KALRN: variants seen among roughly 807,000 people sequenced by gnomAD.
KALRN encodes kalirin RhoGEF kinase, also known as kalirin.
A neutral mutation model predicts 353.7 loss-of-function variants in KALRN; 70 were observed. That is an observed-to-expected ratio of 0.20 (90% CI 0.16 to 0.24). The LOEUF (loss-of-function observed/expected upper bound fraction) is 0.24. Among genes scored for constraint, KALRN ranks in the 10% least tolerant of loss-of-function variants. The probability of loss-of-function intolerance (pLI) is 1.00; values close to 1 mark genes in which losing one functional copy is unlikely to be tolerated. For missense variants in KALRN, 2,791 were observed against 3,756.7 expected, an observed-to-expected ratio of 0.74 and a Z score of 6.72; for synonymous variants, 1,391 against 1,434.8, an observed-to-expected ratio of 0.97 and a Z score of 0.69.
intron 45 of KALRN, 63 bp from the exon 46 acceptor site, chr3:124,666,386 C>CGT: frequency 9.3e-6 from 14 of 1,505,078 alleles, no homozygotes; most frequent in Non-Finnish European, 1.3e-5. Flanking sequence ...TTCTGTGGAC[C>CGT]CAGAGGGCAG....
At chr3:124,366,361 G>GT (rs1227406269) in intron 10 of KALRN, among the ~76,000 whole-genome samples, 1 of 147,584 alleles carries the variant, frequency 6.8e-6, no homozygotes, top group East Asian at 2.0e-4. Flanking sequence ...GCCTTCCGCA[G>GT]TGTTTGTGTC....
At chr3:124,160,927 A>G (rs1232304696) in intron 1 of KALRN, among the ~76,000 whole-genome samples, 1 of 152,188 alleles carries the variant, frequency 6.6e-6, no homozygotes, top group Non-Finnish European at 1.5e-5. Context: ...TTCTCCAAGG[A>G]CTGAGAAGGA....
At chr3:124,451,487 C>G (rs1418682020) in intron 21 of KALRN, among the ~76,000 whole-genome samples, 1 of 152,136 alleles carries the variant, frequency 6.6e-6, no homozygotes, top group Non-Finnish European at 1.5e-5. Flanking sequence ...CTTTTGGCCA[C>G]AAGATCATGT....
chr3:124,426,005 C>T (rs1194636344), intron 15 of KALRN, among the ~76,000 whole-genome samples: 13 of 152,150 alleles, frequency 8.5e-5, no homozygotes, highest in Non-Finnish European at 1.5e-5. Context: ...GACTGTCGTT[C>T]AAGACTGTAC....
chr3:124,146,426 T>C (rs1328762016), intron 1 of KALRN, among the ~76,000 whole-genome samples: 1 of 152,128 alleles, frequency 6.6e-6, no homozygotes, highest in Non-Finnish European at 1.5e-5. Context: ...AAAGTACTAG[T>C]CTATAACAGA....
At chr3:124,311,340 A>G (rs6782982) in intron 6 of KALRN, among the ~76,000 whole-genome samples, 40,550 of 151,518 alleles carry the variant, frequency 0.27, 6,386 homozygotes, top group East Asian at 0.67. Flanking sequence ...GGGCACGCCT[A>G]TAGTCCCAGC....
At chr3:124,541,512 A>C (rs541744944) in intron 33 of KALRN, among the ~76,000 whole-genome samples, 1 of 152,174 alleles carries the variant, frequency 6.6e-6, no homozygotes, top group African/African-American at 2.4e-5. Flanking sequence ...ATAACCACGC[A>C]GTTTTATTTT....
At chr3:124,519,293 C>T (rs2066961264) in intron 33 of KALRN, 1 of 972,356 alleles carries the variant, frequency 1.0e-6, no homozygotes, top group Non-Finnish European at 1.2e-6. Context: ...CCATTCTCCC[C>T]ACTTCTGTAT....
chr3:124,300,986 T>TTG (rs2077221806), intron 6 of KALRN, among the ~76,000 whole-genome samples: 1 of 152,240 alleles, frequency 6.6e-6, no homozygotes, highest in African/African-American at 2.4e-5. Context: ...GTCTGATTAT[T>TTG]TGTGTGCCTT....
At chr3:124,179,247 T>C in intron 1 of KALRN, among the ~76,000 whole-genome samples, 1 of 152,374 alleles carries the variant, frequency 6.6e-6, no homozygotes, top group South Asian at 2.1e-4. Flanking sequence ...ATATTCTTAT[T>C]CTGTAAGCTT....
chr3:124,455,951 G>A (rs1016955317), intron 22 of KALRN, among the ~76,000 whole-genome samples: 1 of 152,160 alleles, frequency 6.6e-6, no homozygotes, highest in African/African-American at 2.4e-5. Flanking sequence ...CTTCAAATAG[G>A]CTCATGATCT....
chr3:124,589,018 T>G (rs981739438), intron 34 of KALRN, among the ~76,000 whole-genome samples: 2 of 152,162 alleles, frequency 1.3e-5, no homozygotes, highest in Non-Finnish European at 2.9e-5. Flanking sequence ...TTTCTATGAT[T>G]CTTTCTTTAC....
Position 124,718,844 on chromosome 3 carries a change from G to A in KALRN, c.8416-81G>A, listed in dbSNP as rs559461614. 1,150 of 1,285,172 alleles carry A rather than the reference G, an allele frequency of 8.9e-4. 14 individuals carry two copies. In the South Asian group the frequency reaches 0.014, roughly 15 times the overall value. 79.6% of individuals were successfully genotyped at this position (1,285,172 alleles called of 1,614,324 possible). ...ATCAAAGAATAGCATAACTGTGTTT[G>A]AATTAATGAGGTATTTTGAGTAGTC... On this transcript the variant is annotated intron_variant, in intron 59 of 59. Transcript: ENST00000682506.
intron 1 of KALRN, among the ~76,000 whole-genome samples, chr3:124,178,339 T>A (rs1026342713): frequency 2.6e-5 from 4 of 152,214 alleles, no homozygotes; most frequent in Non-Finnish European, 4.4e-5. Flanking sequence ...TAACAATAAC[T>A]AATTTAAAAA....
intron 34 of KALRN, among the ~76,000 whole-genome samples, chr3:124,592,901 A>T (rs925721116): frequency 6.6e-6 from 1 of 152,262 alleles, no homozygotes; most frequent in Non-Finnish European, 1.5e-5. Flanking sequence ...TTACTAAAAC[A>T]GGTTGTTCCA....
intron 1 of KALRN, among the ~76,000 whole-genome samples, chr3:124,209,410 G>T (rs1260109615): frequency 6.6e-6 from 1 of 150,758 alleles, no homozygotes; most frequent in African/African-American, 2.4e-5. Flanking sequence ...GGACTGGGGA[G>T]GCTGAGGCAT....
At chr3:124,235,032 C>A in intron 3 of KALRN, 89 bp downstream of exon 3, 1 of 869,174 alleles carries the variant, frequency 1.2e-6, no homozygotes, top group Non-Finnish European at 1.9e-6. Flanking sequence ...CTGCCAGGGA[C>A]CCTAGTGGTT....
intron 10 of KALRN, among the ~76,000 whole-genome samples, chr3:124,383,195 G>T (rs537185314): frequency 3.9e-5 from 6 of 152,136 alleles, no homozygotes; most frequent in Non-Finnish European, 4.4e-5. Context: ...CAAATTCCTA[G>T]AAGCCAAGAC....
chr3:124,338,733 G>C (rs1005091055), intron 9 of KALRN, among the ~76,000 whole-genome samples: 3 of 152,128 alleles, frequency 2.0e-5, no homozygotes, highest in African/African-American at 2.4e-5. Context: ...ATTTATAGTG[G>C]GGTGTTAAAG....
Sources: gnomAD v4.1 joint callset for allele counts (sites outside exome capture counted in the v4.1 genomes callset) on GRCh38, gnomAD v4.1.1 for gene constraint, MANE v1.5 for transcripts, NCBI Gene and HGNC (gene_info 2026-07-23, HGNC 2026-07-21) for gene names.